RORA: variants seen among roughly 807,000 people sequenced by gnomAD.
The protein encoded by RORA is nuclear receptor ROR-alpha.
In RORA, 7 loss-of-function variants were observed where a neutral mutation model predicts 69.5. That is an observed-to-expected ratio of 0.10 (90% confidence interval 0.06 to 0.19). The LOEUF is 0.19. RORA is among the 10% of genes least tolerant of loss of function. RORA has a pLI of 1.00. For synonymous variants in RORA, 261 were observed against 240.8 expected (o/e 1.08, Z -0.78); for missense variants, 457 against 663.0 (o/e 0.69, Z 3.41).
intron 1 of RORA, among the ~76,000 whole-genome samples, chr15:61,042,250 G>T (rs1257534829): frequency 1.3e-5 from 2 of 152,124 alleles, no homozygotes; most frequent in Admixed American, 1.3e-4. Flanking sequence ...CTTAATTAAG[G>T]TGACCATATA....
intron 3 of RORA, among the ~76,000 whole-genome samples, chr15:60,516,057 TTA>T (rs373418788): frequency 0.028 from 169 of 5,942 alleles, 12 homozygotes; most frequent in East Asian, 0.23. Flanking sequence ...TTATATATAT[TTA>T]TATATATTTA....
At chr15:60,884,272 C>A (rs1032906118) in intron 1 of RORA, among the ~76,000 whole-genome samples, 6 of 151,510 alleles carry the variant, frequency 4.0e-5, no homozygotes, top group Admixed American at 2.0e-4. Flanking sequence ...GCTTCTGGAA[C>A]AACCTAAAAA....
chr15:60,531,706 A>G lies in RORA; in HGVS notation c.282+60T>C. The G allele has an allele frequency of 1.1e-6, 1 of 931,506 alleles. No homozygotes were observed. Among genetic ancestry groups the G allele is most frequent in the Non-Finnish European group, 1.6e-6 (1 of 606,118 alleles). The allele number at this position is 931,506 out of a possible 1,614,324, so 57.7% of individuals were successfully genotyped here. A position where few individuals can be genotyped will look rare whatever the true frequency, so the allele number is the denominator to read the frequency against. On this transcript the variant is annotated intron_variant, in intron 3 of 10. Coordinates refer to ENST00000335670, the MANE Select transcript of RORA (RefSeq NM_134261.3). The surrounding 1 kb of genome is among the most constrained non-coding windows in gnomAD (Gnocchi z 4.8). Reference sequence around the variant, plus strand: ...TTTAAGACATAAGTGGAGACATACAAATCACAAAGATATATTCTAACAAAC... The same window carrying G: ...TTTAAGACATAAGTGGAGACATACAGATCACAAAGATATATTCTAACAAAC...
intron 2 of RORA, among the ~76,000 whole-genome samples, chr15:60,626,394 C>CGTT (rs922912318): frequency 3.9e-5 from 6 of 152,042 alleles, no homozygotes; most frequent in Admixed American, 1.3e-4. Context: ...TTGTTGTTGT[C>CGTT]GTTGTTGTTG....
intron 1 of RORA, among the ~76,000 whole-genome samples, chr15:60,812,546 T>C (rs1595733915): frequency 6.6e-6 from 1 of 152,178 alleles, no homozygotes; most frequent in African/African-American, 2.4e-5. Flanking sequence ...GAAGAGTGAA[T>C]GAAATAATAT....
intron 3 of RORA, among the ~76,000 whole-genome samples, chr15:60,518,455 C>T (rs1485393625): frequency 1.3e-5 from 2 of 152,250 alleles, no homozygotes; most frequent in African/African-American, 4.8e-5. Flanking sequence ...CATCTTCGGG[C>T]TTTGCAGACA....
chr15:60,651,352 G>C (rs965399933), intron 2 of RORA, among the ~76,000 whole-genome samples: 1 of 152,100 alleles, frequency 6.6e-6, no homozygotes, highest in African/African-American at 2.4e-5. Context: ...CTTGCCTCTG[G>C]AGAAGGTCTC....
At chr15:60,953,717 A>G (rs890208213) in intron 1 of RORA, among the ~76,000 whole-genome samples, 1 of 151,964 alleles carries the variant, frequency 6.6e-6, no homozygotes, top group African/African-American at 2.4e-5. Flanking sequence ...GCCATCAGAG[A>G]AAAGCAAATC....
At chr15:60,763,533 T>C (rs2071932034) in intron 1 of RORA, among the ~76,000 whole-genome samples, 1 of 152,186 alleles carries the variant, frequency 6.6e-6, no homozygotes, top group South Asian at 2.1e-4. Flanking sequence ...GGAGGTTCGC[T>C]GCTGCCAGCC....
intron 1 of RORA, among the ~76,000 whole-genome samples, chr15:61,085,218 T>G (rs2078605037): frequency 6.6e-6 from 1 of 152,164 alleles, no homozygotes; most frequent in Non-Finnish European, 1.5e-5. Flanking sequence ...TGTGGGGACA[T>G]CAGTCCCAAG....
intron 1 of RORA, among the ~76,000 whole-genome samples, chr15:60,891,776 T>G (rs1336597265): frequency 6.6e-6 from 1 of 152,232 alleles, no homozygotes; most frequent in Non-Finnish European, 1.5e-5. Context: ...TTCTAGCTTC[T>G]TGCCTTTGGT....
chr15:61,147,766 C>CGTGTGTGTGTGTGTGTGTGTGT lies in RORA; in HGVS notation c.166+81265_166+81286dup, dbSNP rs10523030. The stretch of plus-strand genomic sequence containing the variant: ...TGGTCAGTAGGCACGTGCGCACACG[C>CGTGTGTGTGTGTGTGTGTGTGT]GTGTGTGTGTGTGTGTGTGTGTGTG... On this transcript the variant is annotated intron_variant, in intron 1 of 10. Transcript: ENST00000335670. This position sits in a 1 kb window ranked among gnomAD's most constrained non-coding sequence, Gnocchi z 4.1. Among the ~76,000 whole-genome samples, 18 of 147,588 alleles carry CGTGTGTGTGTGTGTGTGTGTGT rather than the reference C, an allele frequency of 1.2e-4. No homozygotes were observed. The highest frequency in any genetic ancestry group is 2.2e-4 in the South Asian group (1 of 4,556).
chr15:60,845,003 T>C (rs573165253), intron 1 of RORA, among the ~76,000 whole-genome samples: 1 of 151,588 alleles, frequency 6.6e-6, no homozygotes, highest in South Asian at 2.1e-4. Flanking sequence ...CACCCTTGTT[T>C]CAAAGTGAAG....
chr15:61,065,345 C>T (rs1285801855), intron 1 of RORA, among the ~76,000 whole-genome samples: 1 of 152,196 alleles, frequency 6.6e-6, no homozygotes, highest in Non-Finnish European at 1.5e-5. Flanking sequence ...ATTCTTACTA[C>T]TCTAAGTTAA....
intron 1 of RORA, among the ~76,000 whole-genome samples, chr15:61,059,122 A>G (rs2078135404): frequency 1.3e-5 from 2 of 152,188 alleles, no homozygotes; most frequent in African/African-American, 4.8e-5. Flanking sequence ...TTCCTTTCCA[A>G]TGGGCAGAGG....
At chr15:60,816,977 T>C (rs747500679) in intron 1 of RORA, among the ~76,000 whole-genome samples, 32 of 152,170 alleles carry the variant, frequency 2.1e-4, no homozygotes, top group Non-Finnish European at 3.5e-4. Context: ...ATTTGCAAAA[T>C]ATATTATTTT....
At chr15:60,717,276 G>A (rs1378656991) in intron 1 of RORA, among the ~76,000 whole-genome samples, 2 of 152,204 alleles carry the variant, frequency 1.3e-5, no homozygotes, top group East Asian at 3.8e-4. Flanking sequence ...CAGTTTCTGA[G>A]AATTTTTCCC....
chr15:60,553,146 G>C (rs907132596), intron 2 of RORA, among the ~76,000 whole-genome samples: 1 of 152,152 alleles, frequency 6.6e-6, no homozygotes, highest in Admixed American at 6.5e-5. Context: ...ATTGTTATAT[G>C]AGCTATTGAT....
intron 6 of RORA, 108 bp downstream of exon 6, chr15:60,505,400 T>A: frequency 9.1e-7 from 1 of 1,099,070 alleles, no homozygotes. Context: ...AACAGAAACC[T>A]GATGACATTC....
Sources: allele counts gnomAD v4.1 joint callset (sites outside exome capture counted in the v4.1 genomes callset), GRCh38; gene constraint gnomAD v4.1.1; non-coding constraint Gnocchi (gnomAD v3.1); transcripts MANE v1.5; gene names NCBI Gene and HGNC (gene_info 2026-07-23, HGNC 2026-07-21).